EPHA6: variants seen among roughly 807,000 people sequenced by gnomAD.
The protein encoded by EPHA6 is EPH receptor A6.
Under a neutral mutation model 112.0 loss-of-function variants are expected in EPHA6, and 50 were observed. The ratio of observed to expected loss-of-function variants is 0.45; its 90% CI spans 0.36 to 0.56. The LOEUF is 0.56. Among genes scored for constraint, EPHA6 ranks in the 20% least tolerant of loss-of-function variants. The pLI is 0.00. For synonymous variants in EPHA6, 529 were observed against 490.7 expected, an observed-to-expected ratio of 1.08 and a Z score of -1.03; for missense variants, 1,280 against 1,417.4, an observed-to-expected ratio of 0.90 and a Z score of 1.56.
chr3:96,943,872 T>G (rs1245989255), intron 2 of EPHA6, among the ~76,000 whole-genome samples: 1 of 152,118 alleles, frequency 6.6e-6, no homozygotes, highest in Admixed American at 6.6e-5. Context: ...TTTAAGGAGA[T>G]AAGAAAGGAA....
chr3:97,181,612 T>C (rs550502714), intron 3 of EPHA6, among the ~76,000 whole-genome samples: 7 of 152,190 alleles, frequency 4.6e-5, no homozygotes, highest in African/African-American at 1.7e-4. Flanking sequence ...TATGTGTGTG[T>C]GTGTATATAT....
intron 3 of EPHA6, among the ~76,000 whole-genome samples, chr3:96,995,235 C>CA (rs2043377569): frequency 6.6e-6 from 1 of 151,778 alleles, no homozygotes; most frequent in Non-Finnish European, 1.5e-5. Context: ...ACTGTGCAAG[C>CA]AGAGAGCATA....
chr3:97,537,149 T>A (rs1418780068), intron 11 of EPHA6, among the ~76,000 whole-genome samples: 1 of 152,102 alleles, frequency 6.6e-6, no homozygotes. Flanking sequence ...AGTAGAAAAG[T>A]TATAGGTAAA....
chr3:96,889,569 GA>G (rs1342874003), intron 2 of EPHA6, among the ~76,000 whole-genome samples: 2 of 152,064 alleles, frequency 1.3e-5, no homozygotes, highest in African/African-American at 4.8e-5. Flanking sequence ...CAGTATGGGG[GA>G]AACCACCTCA....
intron 10 of EPHA6, among the ~76,000 whole-genome samples, chr3:97,511,400 C>T (rs2092362456): frequency 6.6e-6 from 1 of 152,152 alleles, no homozygotes; most frequent in Non-Finnish European, 1.5e-5. Flanking sequence ...TTCCTCACAT[C>T]ACAGTCCTTC....
At chr3:97,132,902 A>G (rs2075670101) in intron 3 of EPHA6, among the ~76,000 whole-genome samples, 2 of 152,086 alleles carry the variant, frequency 1.3e-5, no homozygotes, top group African/African-American at 2.4e-5. Flanking sequence ...AAATTAATAA[A>G]ATAGAGAAAA....
chr3:96,946,071 A>G (rs1181187986), intron 2 of EPHA6, among the ~76,000 whole-genome samples: 2 of 152,110 alleles, frequency 1.3e-5, no homozygotes, highest in African/African-American at 4.8e-5. Flanking sequence ...AATATTATGT[A>G]GTTTCAATCA....
chr3:97,349,136 T>C (rs1338189615), intron 5 of EPHA6, among the ~76,000 whole-genome samples: 1 of 152,084 alleles, frequency 6.6e-6, no homozygotes, highest in Non-Finnish European at 1.5e-5. Flanking sequence ...CTGGTATCAA[T>C]TTCCACACAT....
chr3:96,890,121 T>TA (rs201453352), intron 2 of EPHA6, among the ~76,000 whole-genome samples: 5,031 of 140,678 alleles, frequency 0.036, 244 homozygotes, highest in African/African-American at 0.11. Flanking sequence ...ACCCCCAAAA[T>TA]AAAAAAAAAA....
At chr3:96,973,899 TATATG>T (rs1385713951) in intron 2 of EPHA6, among the ~76,000 whole-genome samples, 1 of 145,774 alleles carries the variant, frequency 6.9e-6, no homozygotes, top group Non-Finnish European at 1.5e-5. Context: ...TATTATATAA[TATATG>T]ATATAATAGA....
intron 3 of EPHA6, among the ~76,000 whole-genome samples, chr3:97,099,092 C>A (rs901651927): frequency 2.0e-5 from 3 of 151,894 alleles, no homozygotes; most frequent in African/African-American, 7.2e-5. Flanking sequence ...CTGTTGATGA[C>A]TGGCTTGTTG....
intron 4 of EPHA6, among the ~76,000 whole-genome samples, chr3:97,240,582 C>T (rs374452815): frequency 1.3e-5 from 2 of 151,876 alleles, no homozygotes; most frequent in South Asian, 4.2e-4. Flanking sequence ...GAAAAATCCC[C>T]CTGTTTGTTT....
rs1241682750 is a variant in EPHA6, at chr3:97,635,240, CTTT to C, written c.2575-2631_2575-2629del. ...GAACATAAAGAAAGTAGTTTAGATT[CTTT>C]TAATACACCAAAATCTTATTTTTAA... On this transcript the variant is annotated intron_variant, in intron 13 of 17. Coordinates refer to ENST00000389672, the MANE Select transcript of EPHA6 (RefSeq NM_001080448.3). 2.6e-5 allele frequency among the ~76,000 whole-genome samples: 4 copies of C among 151,988 alleles called. No homozygotes were observed. The East Asian group carries it at 7.7e-4, about 29-fold the overall frequency.
intron 13 of EPHA6, among the ~76,000 whole-genome samples, chr3:97,623,389 C>T (rs960064091): frequency 6.6e-6 from 1 of 151,590 alleles, no homozygotes; most frequent in East Asian, 1.9e-4. Context: ...ATCTTGGCAC[C>T]CTTTTCAAAA....
intron 3 of EPHA6, among the ~76,000 whole-genome samples, chr3:97,002,974 T>C: frequency 6.6e-6 from 1 of 152,214 alleles, no homozygotes; most frequent in African/African-American, 2.4e-5. Context: ...AGTAAAACAA[T>C]GGTGAAATTG....
At chr3:97,337,144 A>G (rs2083093944) in intron 5 of EPHA6, among the ~76,000 whole-genome samples, 1 of 152,136 alleles carries the variant, frequency 6.6e-6, no homozygotes, top group African/African-American at 2.4e-5. Context: ...TGAATCACAG[A>G]TTGATGGATT....
intron 15 of EPHA6, among the ~76,000 whole-genome samples, chr3:97,724,778 AG>A (rs1169456170): frequency 6.6e-6 from 1 of 151,888 alleles, no homozygotes; most frequent in African/African-American, 2.4e-5. Flanking sequence ...ATAAAGTAAA[AG>A]AAAATGCAGT....
At chr3:97,285,024 TG>T (rs1286202423) in intron 5 of EPHA6, among the ~76,000 whole-genome samples, 3 of 152,104 alleles carry the variant, frequency 2.0e-5, no homozygotes, top group Non-Finnish European at 4.4e-5. Context: ...ACTATACGTG[TG>T]TCAAAAACTT....
chr3:97,159,888 T>TA (rs1164863894), intron 3 of EPHA6, among the ~76,000 whole-genome samples: 2 of 152,210 alleles, frequency 1.3e-5, no homozygotes, highest in East Asian at 3.9e-4. Flanking sequence ...TACGGTGTGT[T>TA]ATTCCTGTGA....
Sources: gnomAD v4.1 joint callset for allele counts (sites outside exome capture counted in the v4.1 genomes callset) on GRCh38, gnomAD v4.1.1 for gene constraint, MANE v1.5 for transcripts, NCBI Gene and HGNC (gene_info 2026-07-23, HGNC 2026-07-21) for gene names.